The following ATXN1 variants were observed in gnomAD, a reference collection of about 807,000 sequenced individuals.
The protein encoded by ATXN1 is ataxin 1.
Under a neutral mutation model 56.4 loss-of-function variants are expected in ATXN1, and 8 were observed. The observed-to-expected ratio is 0.14, with a 90% confidence interval of 0.08 to 0.26. ATXN1 has a LOEUF of 0.26. Among genes scored for constraint, ATXN1 ranks in the 10% least tolerant of loss-of-function variants. ATXN1 has a pLI of 1.00. For synonymous variants in ATXN1, 514 were observed against 494.6 expected (o/e 1.04, Z -0.52); for missense variants, 987 against 1,106.5 (o/e 0.89, Z 1.53).
At chr6:16,738,732 C>T (rs565142303) in intron 2 of ATXN1, 1 of 152,334 alleles carries the variant, frequency 6.6e-6, no homozygotes, top group South Asian at 2.1e-4. Context: ...TTTGTTGTAA[C>T]ACTAGCCACT....
chr6:16,449,241 C>T (rs150295169), intron 6 of ATXN1, among the ~76,000 whole-genome samples: 2,249 of 152,240 alleles, frequency 0.015, 31 homozygotes, highest in Non-Finnish European at 0.021. Context: ...GGACAATTAA[C>T]GGCCAAGACC....
At chr6:16,503,968 T>G (rs748087010) in intron 5 of ATXN1, among the ~76,000 whole-genome samples, 2 of 152,168 alleles carry the variant, frequency 1.3e-5, no homozygotes, top group Admixed American at 6.5e-5. Context: ...CTGAAACTTT[T>G]TAACATACGT....
intron 2 of ATXN1, among the ~76,000 whole-genome samples, chr6:16,744,456 C>T (rs1144700): frequency 0.27 from 41,429 of 151,872 alleles, 6,904 homozygotes; most frequent in East Asian, 0.63. Flanking sequence ...ACTGATCTCT[C>T]TAGGCCCTAG....
intron 6 of ATXN1, among the ~76,000 whole-genome samples, chr6:16,473,406 T>G (rs1304299510): frequency 6.6e-6 from 1 of 152,190 alleles, no homozygotes; most frequent in Non-Finnish European, 1.5e-5. Context: ...AGAGTTATGC[T>G]TAAAGGTGTA....
chr6:16,758,519 C>T (rs919266180), intron 1 of ATXN1, among the ~76,000 whole-genome samples: 1 of 152,198 alleles, frequency 6.6e-6, no homozygotes, highest in African/African-American at 2.4e-5. Flanking sequence ...CTAGAAGCCT[C>T]ATTCAGTGTC....
intron 2 of ATXN1, among the ~76,000 whole-genome samples, chr6:16,684,096 A>C (rs1229177894): frequency 1.3e-5 from 2 of 152,194 alleles, no homozygotes; most frequent in Non-Finnish European, 2.9e-5. Context: ...TCTAGAAGTC[A>C]TCCCCCAAAC....
chr6:16,657,191 G>A (rs557631916), intron 3 of ATXN1, among the ~76,000 whole-genome samples: 95 of 152,016 alleles, frequency 6.2e-4, no homozygotes, highest in South Asian at 1.2e-3. Flanking sequence ...GTTTCACCGC[G>A]TTAGCCAGGA....
chr6:16,605,984 G>C (rs1338701240), intron 3 of ATXN1, among the ~76,000 whole-genome samples: 1 of 152,036 alleles, frequency 6.6e-6, no homozygotes, highest in Non-Finnish European at 1.5e-5. Flanking sequence ...TAAAAAATTA[G>C]CCAGGTGTGG....
intron 3 of ATXN1, among the ~76,000 whole-genome samples, chr6:16,642,681 C>A (rs1763726745): frequency 1.3e-5 from 2 of 152,266 alleles, no homozygotes; most frequent in Admixed American, 1.3e-4. Flanking sequence ...GAAATTGCCA[C>A]CGCCACCCCA....
At chr6:16,317,709 G>A (rs1178948020) in intron 7 of ATXN1, among the ~76,000 whole-genome samples, 1 of 151,598 alleles carries the variant, frequency 6.6e-6, no homozygotes, top group Non-Finnish European at 1.5e-5. Flanking sequence ...GCTTTTGGGG[G>A]TGGACCGCCT....
intron 2 of ATXN1, among the ~76,000 whole-genome samples, chr6:16,748,347 A>G (rs1760601630): frequency 6.6e-6 from 1 of 152,122 alleles, no homozygotes; most frequent in Non-Finnish European, 1.5e-5. Context: ...TACCTGTGTC[A>G]TGGCTCTTTA....
chr6:16,466,690 T>C (rs1760114829), intron 6 of ATXN1, among the ~76,000 whole-genome samples: 1 of 150,492 alleles, frequency 6.6e-6, no homozygotes, highest in Non-Finnish European at 1.5e-5. Flanking sequence ...GCTACATGTA[T>C]TTATTTGTAT....
intron 7 of ATXN1, among the ~76,000 whole-genome samples, chr6:16,310,664 T>G (rs1403881956): frequency 6.6e-6 from 1 of 152,112 alleles, no homozygotes; most frequent in Non-Finnish European, 1.5e-5. Flanking sequence ...ACTTTTTGTA[T>G]TTTTAGTAGA....
chr6:16,564,864 A>ATGC lies in ATXN1; in HGVS notation c.-361+20913_-361+20915dup, dbSNP rs145913787. On this transcript the variant is annotated intron_variant, in intron 4 of 7. Coordinates refer to ENST00000436367, the MANE Select transcript of ATXN1 (RefSeq NM_001128164.2). Reference sequence around the variant, plus strand: ...CTTTTTTTTTTAATTTAAATAAGCTATGCAGTCCTCAATGCCTCCTGCTCC... The same window carrying ATGC: ...CTTTTTTTTTTAATTTAAATAAGCTATGCTGCAGTCCTCAATGCCTCCTGCTCC... 7.0e-3 allele frequency among the ~76,000 whole-genome samples: 1,071 copies of ATGC among 152,276 alleles called. 10 individuals carry two copies. The highest frequency in any genetic ancestry group is 0.025 in the African/African-American group (1,021 of 41,540).
intron 6 of ATXN1, among the ~76,000 whole-genome samples, chr6:16,419,230 C>A (rs1395105963): frequency 6.6e-6 from 1 of 152,312 alleles, no homozygotes; most frequent in East Asian, 1.9e-4. Flanking sequence ...AGTACAGGTG[C>A]ATGACACTGC....
intron 5 of ATXN1, among the ~76,000 whole-genome samples, chr6:16,509,182 C>T (rs1472595854): frequency 6.6e-6 from 1 of 152,102 alleles, no homozygotes; most frequent in Non-Finnish European, 1.5e-5. Context: ...GGATGCACAA[C>T]GAGAATATAC....
Position 16,410,033 on chromosome 6 carries a change from A to G in ATXN1, c.-161+75939T>C, listed in dbSNP as rs1398833447. ...TGCTCTGAAGCTGGCAAAGATGAGCATCAAATCACCAGACGTGCATGGAGA... is the reference window on the plus strand; with the variant it reads ...TGCTCTGAAGCTGGCAAAGATGAGCGTCAAATCACCAGACGTGCATGGAGA... On this transcript the variant is annotated intron_variant, in intron 6 of 7. Coordinates refer to ENST00000436367, the MANE Select transcript of ATXN1 (RefSeq NM_001128164.2). This position sits in a 1 kb window ranked among gnomAD's most constrained non-coding sequence, Gnocchi z 4.6. 1.3e-5 allele frequency among the ~76,000 whole-genome samples: 2 copies of G among 152,202 alleles called. No homozygotes were observed. Among genetic ancestry groups the G allele is most frequent in the African/African-American group, 4.8e-5 (2 of 41,454 alleles).
At chr6:16,315,669 T>G (rs929362570) in intron 7 of ATXN1, among the ~76,000 whole-genome samples, 2 of 152,150 alleles carry the variant, frequency 1.3e-5, no homozygotes, top group African/African-American at 4.8e-5. Context: ...CATAGCTTCC[T>G]TTTTTTATTT....
intron 6 of ATXN1, among the ~76,000 whole-genome samples, chr6:16,345,690 T>C (rs1291992114): frequency 6.6e-6 from 1 of 152,124 alleles, no homozygotes; most frequent in Non-Finnish European, 1.5e-5. Context: ...GAGGCTGCAG[T>C]GTAGTGGAGC....
Sources: gnomAD v4.1 joint callset for allele counts (sites outside exome capture counted in the v4.1 genomes callset) on GRCh38, gnomAD v4.1.1 for gene constraint, Gnocchi (gnomAD v3.1) non-coding constraint, MANE v1.5 for transcripts, NCBI Gene and HGNC (gene_info 2026-07-23, HGNC 2026-07-21) for gene names.